The following N4BP2L2 variants were observed in gnomAD, a reference collection of about 807,000 sequenced individuals.
N4BP2L2 encodes the protein NEDD4-binding protein 2-like 2.
N4BP2L2 carries 50 observed loss-of-function variants against 56.2 expected under a neutral mutation model. That is an observed-to-expected ratio of 0.89 (90% CI 0.71 to 1.13). The LOEUF is 1.13. N4BP2L2 is among the 50% of genes most tolerant of loss of function. The pLI is 0.00. For missense variants in N4BP2L2, 689 were observed against 693.8 expected (o/e 0.99, Z 0.08); for synonymous variants, 203 against 223.6 (o/e 0.91, Z 0.82).
chr13:32,458,860 A>C (rs1378275940), intron 6 of N4BP2L2, among the ~76,000 whole-genome samples: 1 of 152,210 alleles, frequency 6.6e-6, no homozygotes, highest in Non-Finnish European at 1.5e-5. Context: ...AGCACACGTA[A>C]CATTCTCCAG....
chr13:32,457,061 C>T (rs1475007553), intron 6 of N4BP2L2, among the ~76,000 whole-genome samples: 1 of 152,164 alleles, frequency 6.6e-6, no homozygotes, highest in Non-Finnish European at 1.5e-5. Context: ...ATTGCTTGAG[C>T]CTGGGTGGTG....
At chr13:32,517,823 G>A in exon 6 of N4BP2L2, 2 of 1,613,422 alleles carry the variant, frequency 1.2e-6, no homozygotes, top group Non-Finnish European at 1.7e-6. Context: ...TTGTGACACA[G>A]ACACGATTAT....
intron 5 of N4BP2L2, among the ~76,000 whole-genome samples, chr13:32,520,706 C>T (rs1484656046): frequency 6.7e-6 from 1 of 148,678 alleles, no homozygotes; most frequent in Non-Finnish European, 1.5e-5. Flanking sequence ...AGTCAGGAAA[C>T]ACAGTGATAT....
At chr13:32,469,740 G>T (rs1447115363) in intron 6 of N4BP2L2, among the ~76,000 whole-genome samples, 2 of 152,228 alleles carry the variant, frequency 1.3e-5, no homozygotes, top group Non-Finnish European at 2.9e-5. Flanking sequence ...ACTGATGCTG[G>T]TCCAGAAAAG....
Position 32,441,690 on chromosome 13 carries a change from C to CATAAATAA in N4BP2L2, c.2104+690_2104+697dup, listed in dbSNP as rs199951664. On this transcript the variant is annotated intron_variant, in intron 7 of 9. Coordinates refer to the N4BP2L2 transcript ENST00000357505. ...CAAGAGCGAAACTCCCTCTCAAAAA[C>CATAAATAA]ATAAATAAATAAATAAATAAATAAA... Among the ~76,000 whole-genome samples the CATAAATAA allele has an allele frequency of 1.3e-3, 182 of 137,658 alleles. 1 individual carries two copies. The highest frequency in any genetic ancestry group is 3.6e-3 in the East Asian group (17 of 4,690). 90.3% of individuals were successfully genotyped at this position (137,658 alleles called of 152,430 possible).
At chr13:32,502,440 A>C (rs1423725330) in intron 6 of N4BP2L2, among the ~76,000 whole-genome samples, 2 of 152,154 alleles carry the variant, frequency 1.3e-5, no homozygotes, top group Non-Finnish European at 2.9e-5. Context: ...TATTATCAAA[A>C]GAGGTAAAAT....
At chr13:32,440,673 G>C (rs1231887298) in intron 7 of N4BP2L2, among the ~76,000 whole-genome samples, 1 of 152,106 alleles carries the variant, frequency 6.6e-6, no homozygotes, top group African/African-American at 2.4e-5. Flanking sequence ...ATGTTGGCCA[G>C]GCTGGTCTCG....
intron 6 of N4BP2L2, among the ~76,000 whole-genome samples, chr13:32,487,258 G>A (rs1367953259): frequency 6.6e-6 from 1 of 151,788 alleles, no homozygotes; most frequent in Non-Finnish European, 1.5e-5. Flanking sequence ...AGGATTGCTT[G>A]AGCCCAGAAG....
chr13:32,468,434 G>A (rs750767057), intron 6 of N4BP2L2, among the ~76,000 whole-genome samples: 48 of 152,198 alleles, frequency 3.2e-4, no homozygotes, highest in Non-Finnish European at 5.7e-4. Flanking sequence ...CCAAAGAGTT[G>A]ATACTCTCTT....
At chr13:32,437,791 A>T (rs549801906) in intron 8 of N4BP2L2, among the ~76,000 whole-genome samples, 1 of 152,322 alleles carries the variant, frequency 6.6e-6, no homozygotes, top group African/African-American at 2.4e-5. Flanking sequence ...TGGGCACCTT[A>T]GTCATCCCCA....
At chr13:32,482,706 AGTAGG>A (rs2085026194) in intron 6 of N4BP2L2, among the ~76,000 whole-genome samples, 1 of 152,106 alleles carries the variant, frequency 6.6e-6, no homozygotes, top group South Asian at 2.1e-4. Context: ...TTTTCCTATC[AGTAGG>A]TGAAAGAGAA....
intron 6 of N4BP2L2, among the ~76,000 whole-genome samples, chr13:32,498,723 C>T (rs1201308317): frequency 6.6e-6 from 1 of 151,528 alleles, no homozygotes; most frequent in Admixed American, 6.6e-5. Flanking sequence ...TATCTTTTGG[C>T]TGGGCATGGT....
chr13:32,463,142 T>A (rs1253078772), intron 6 of N4BP2L2, among the ~76,000 whole-genome samples: 1 of 151,862 alleles, frequency 6.6e-6, no homozygotes, highest in Non-Finnish European at 1.5e-5. Context: ...AAATGGAAAT[T>A]CTAGAGTTGG....
chr13:32,518,095 A>G, intron 5 of N4BP2L2, 92 bp from the exon 6 acceptor site: 1 of 1,170,014 alleles, frequency 8.5e-7, no homozygotes, highest in Non-Finnish European at 1.2e-6. Context: ...CAAATTCTAA[A>G]TAATATTTTG....
chr13:32,517,817 G>A (rs2049580219), exon 6 of N4BP2L2: 1 of 1,612,916 alleles, frequency 6.2e-7, no homozygotes, highest in African/African-American at 1.3e-5. Context: ...GATTATTTGT[G>A]ACACAGACAC....
intron 6 of N4BP2L2, among the ~76,000 whole-genome samples, chr13:32,468,776 C>T (rs1422576398): frequency 1.3e-5 from 2 of 152,178 alleles, no homozygotes; most frequent in South Asian, 2.1e-4. Context: ...CCTGCTGATG[C>T]CCTGCACACC....
rs978232920 is a variant in N4BP2L2 at position 32,520,879 on chromosome 13, GAAC to G, written c.1550+491_1550+493del. Among the ~76,000 whole-genome samples the G allele has an allele frequency of 8.5e-5, 13 of 152,214 alleles. No homozygotes were observed. In the East Asian group the frequency reaches 1.9e-3, roughly 23 times the overall value. On this transcript the variant is annotated intron_variant, in intron 5 of 5. Transcript: ENST00000267068. ...TACCCATATCTGTACTCATTTGGCA[GAAC>G]AACTTACTCAGAATTGACTTTACAT...
intron 3 of N4BP2L2, chr13:32,522,731 G>A (rs2051331303): frequency 6.6e-6 from 1 of 152,290 alleles, no homozygotes. Context: ...AGATAGAGCT[G>A]GGGAAGACTT....
At chr13:32,503,455 T>A (rs1192812917) in intron 6 of N4BP2L2, among the ~76,000 whole-genome samples, 3 of 152,200 alleles carry the variant, frequency 2.0e-5, no homozygotes, top group African/African-American at 7.2e-5. Flanking sequence ...ATCCATATTC[T>A]ACAGAAGAGC....
Sources: gnomAD v4.1 joint callset for allele counts (sites outside exome capture counted in the v4.1 genomes callset) on GRCh38, gnomAD v4.1.1 for gene constraint, MANE v1.5 for transcripts, NCBI Gene and HGNC (gene_info 2026-07-23, HGNC 2026-07-21) for gene names.